The following CLCN4 variants were observed in gnomAD, a reference collection of about 807,000 sequenced individuals.
The protein encoded by CLCN4 is Cl-/H+ antiporter 4.
A neutral mutation model predicts 41.7 loss-of-function variants in CLCN4; 1 was observed. The observed-to-expected ratio is 0.02, with a 90% confidence interval of 0.01 to 0.11. CLCN4 has a LOEUF of 0.11. Ranked by LOEUF, CLCN4 falls within the 10% of genes least tolerant of loss-of-function variation. The pLI, the probability that CLCN4 is intolerant of heterozygous loss-of-function variation, is 1.00. For missense variants in CLCN4, 287 were observed against 661.0 expected (o/e 0.43, Z 6.20); for synonymous variants, 277 against 285.8 (o/e 0.97, Z 0.31).
At chrX:10,160,573 C>G (rs756397243) in intron 2 of CLCN4, among the ~76,000 whole-genome samples, 2 of 111,483 alleles carry the variant, frequency 1.8e-5, no homozygotes, top group Admixed American at 9.5e-5. Context: ...TCCTTGTCTG[C>G]AAAAATGAGA....
Position 10,233,756 on chromosome X carries a change from C to A in CLCN4, c.*172C>A, listed in dbSNP as rs1188671445. 10 of 432,690 alleles carry A rather than the reference C, an allele frequency of 2.3e-5. No homozygotes were observed. Among genetic ancestry groups the A allele is most frequent in the Admixed American group, 4.1e-5 (1 of 24,357 alleles). The allele number at this position is 432,690 out of a possible 1,213,427, so 35.7% of individuals were successfully genotyped here. ...CCTTTAAAAACAAAAACAAAAACAT[C>A]AATGAGTAGGCATTTTATAGCTTTA... On this transcript the variant is annotated 3_prime_UTR_variant, in exon 13 of 13. Coordinates refer to ENST00000380833, the MANE Select transcript of CLCN4 (RefSeq NM_001830.4).
chrX:10,228,562 C>A (rs1925046482), intron 12 of CLCN4, among the ~76,000 whole-genome samples: 1 of 111,545 alleles, frequency 9.0e-6, no homozygotes, highest in African/African-American at 3.3e-5. Context: ...TTTTGGGATA[C>A]CTGTTCAGTA....
chrX:10,208,294 C>T lies in CLCN4; in HGVS notation c.1093C>T (p.Leu365=). 1 of 1,211,588 alleles carries T rather than the reference C, an allele frequency of 8.3e-7. No individual in the cohort carries two copies. The highest frequency in any genetic ancestry group is 1.8e-5 in the South Asian group (1 of 56,965). Residue 365 remains leucine, a synonymous_variant, in exon 9 of 13, where the codon CTG becomes TTG. Transcript: ENST00000380833. The stretch of plus-strand genomic sequence containing the variant: ...GTGCAGGAGGCGCAAGACCACCAGG[C>T]TGGGGAAGTACCCGGTGCTGGAGGT... ...AWCRRRKTTR[L]GKYPVLEVIV...
intron 2 of CLCN4, among the ~76,000 whole-genome samples, chrX:10,161,805 G>A (rs190776045): frequency 1.8e-5 from 2 of 110,915 alleles, no homozygotes; most frequent in African/African-American, 3.3e-5. Flanking sequence ...TCCACCATGA[G>A]GGTGTAAAGG....
chrX:10,164,480 G>C (rs756854314), intron 2 of CLCN4, among the ~76,000 whole-genome samples: 1 of 111,714 alleles, frequency 9.0e-6, no homozygotes, highest in African/African-American at 3.3e-5. Flanking sequence ...TGTTGAGACT[G>C]GGTTAAAAGG....
In CLCN4 at chrX:10,197,954, A is replaced by C. The variant is rs1281964124; in HGVS notation, c.448A>C (p.Ile150Leu). 8.3e-7 allele frequency: 1 copy of C among 1,208,366 alleles called. No homozygotes were observed. The highest frequency in any genetic ancestry group is 1.8e-5 in the African/African-American group (1 of 56,777). The change falls in exon 6 of 13, where the codon ATT (isoleucine) becomes CTT (leucine). Residue 150 changes from isoleucine (I) to leucine (L), a missense_variant. Physicochemically the swap from Ile to Leu is conservative, Grantham distance 5. This residue lies in a region of CLCN4 where 90 missense variants were observed against 209.8 expected (regional missense o/e 0.43). Coordinates refer to ENST00000380833, the MANE Select transcript of CLCN4 (RefSeq NM_001830.4). ...VNQSEGASAY[I>L]LNYLMYILWA... is the part of the protein sequence containing the mutation. Reference sequence around the variant, plus strand: ...TGTTGTCTAGGGTGCCAGTGCTTACATTCTGAATTACTTAATGTACATCCT... The same window carrying C: ...TGTTGTCTAGGGTGCCAGTGCTTACCTTCTGAATTACTTAATGTACATCCT...
At chrX:10,218,533 A>G (rs924420975) in intron 11 of CLCN4, among the ~76,000 whole-genome samples, 2 of 112,394 alleles carry the variant, frequency 1.8e-5, no homozygotes, top group Non-Finnish European at 3.8e-5. Context: ...TCCAGGGATG[A>G]CAGCACACTG....
At chrX:10,158,652 C>A (rs1923017317) in intron 2 of CLCN4, 101 bp downstream of exon 2, 1 of 248,464 alleles carries the variant, frequency 4.0e-6, no homozygotes, top group Non-Finnish European at 7.2e-6. Flanking sequence ...GGCTGCGCCC[C>A]CAGAAACCCA....
At chrX:10,226,199 C>G (rs1190314526) in intron 12 of CLCN4, among the ~76,000 whole-genome samples, 1 of 111,277 alleles carries the variant, frequency 9.0e-6, no homozygotes, top group Non-Finnish European at 1.9e-5. Context: ...GTCTCTCAGA[C>G]CACAGTGCAA....
At chrX:10,213,598 C>T in intron 10 of CLCN4, 83 bp from the exon 11 acceptor site, 2 of 898,358 alleles carry the variant, frequency 2.2e-6, no homozygotes, top group East Asian at 3.1e-5. Context: ...GAATTTACAG[C>T]CTGTCTGTCA....
chrX:10,166,465 G>C (rs186366630), intron 2 of CLCN4, among the ~76,000 whole-genome samples: 1 of 111,480 alleles, frequency 9.0e-6, no homozygotes, highest in East Asian at 2.8e-4. Flanking sequence ...CACGGTGTAG[G>C]AGAAACGTGG....
chrX:10,174,424 C>T (rs1923466601), intron 2 of CLCN4, among the ~76,000 whole-genome samples: 1 of 112,645 alleles, frequency 8.9e-6, no homozygotes, highest in African/African-American at 3.2e-5. Flanking sequence ...CCTTTACGGA[C>T]CCAAGTCCTC....
At chrX:10,207,500 T>A (rs1924427418) in intron 8 of CLCN4, among the ~76,000 whole-genome samples, 1 of 112,739 alleles carries the variant, frequency 8.9e-6, no homozygotes, top group Non-Finnish European at 1.9e-5. Context: ...AATGGGCATG[T>A]CTGCATTTCC....
At chrX:10,214,260 G>T (rs1429156456) in intron 11 of CLCN4, among the ~76,000 whole-genome samples, 181 bp downstream of exon 11, 1 of 112,591 alleles carries the variant, frequency 8.9e-6, no homozygotes, top group Non-Finnish European at 1.9e-5. Context: ...CAGGTCTTGG[G>T]TGGGATCCGA....
chrX:10,222,759 T>C (rs757607143), intron 12 of CLCN4, among the ~76,000 whole-genome samples: 28 of 112,062 alleles, frequency 2.5e-4, no homozygotes, highest in Non-Finnish European at 4.7e-4. Flanking sequence ...TTCTTCCTGC[T>C]GTCCTGGTAG....
In CLCN4 at chrX:10,212,652, C is replaced by A. The variant is rs112652769; in HGVS notation, c.1575C>A (p.Leu525=). The change falls in exon 10 of 13, where the codon CTC becomes CTA. Residue 525 remains leucine, a splice_region_variant and synonymous_variant. Transcript: ENST00000380833. ...CAATGGTGGGAGCTGCGGCCTGCCT[C>A]GGTACGACCATGGGTGGGGCAGGGA... is the stretch of plus-strand genomic sequence containing the variant. ...LYAMVGAAAC[L]GGVTRMTVSL... The A allele has an allele frequency of 1.7e-6, 2 of 1,190,855 alleles. No individual in the cohort carries two copies. Among genetic ancestry groups the A allele is most frequent in the Non-Finnish European group, 1.1e-6 (1 of 881,573 alleles).
intron 4 of CLCN4, 118 bp downstream of exon 4, chrX:10,187,732 G>A: frequency 1.8e-6 from 1 of 544,838 alleles, no homozygotes. Flanking sequence ...TTACCCCTGT[G>A]GGAGGGATTT....
intron 2 of CLCN4, among the ~76,000 whole-genome samples, chrX:10,173,956 C>T (rs1329377314): frequency 8.9e-6 from 1 of 111,975 alleles, no homozygotes; most frequent in Non-Finnish European, 1.9e-5. Flanking sequence ...CTTCTCTGTG[C>T]GGGTCGTCCT....
Position 10,212,593 on chromosome X carries a change from C to G in CLCN4, c.1516C>G (p.Pro506Ala). The G allele has an allele frequency of 8.3e-7, 1 of 1,211,501 alleles. No homozygotes were observed. Among genetic ancestry groups the G allele is most frequent in the Non-Finnish European group, 1.1e-6 (1 of 895,353 alleles). Reference sequence around the variant, plus strand: ...GATCATCTTCAGGAACTGGTGCAGACCCGGTGCAGACTGTGTCACGCCAGG... The same window carrying G: ...GATCATCTTCAGGAACTGGTGCAGAGCCGGTGCAGACTGTGTCACGCCAGG... ...DWIIFRNWCR[P>A]GADCVTPGLY... Residue 506 changes from proline (P) to alanine (A), a missense_variant, in exon 10 of 13, where the codon CCC becomes GCC. By Grantham distance (27) the Pro-to-Ala change is conservative. Transcript: ENST00000380833.
Sources: allele counts gnomAD v4.1 joint callset (sites outside exome capture counted in the v4.1 genomes callset), GRCh38; gene constraint gnomAD v4.1.1; regional missense constraint gnomAD v4.1.1; transcripts MANE v1.5; gene names NCBI Gene and HGNC (gene_info 2026-07-23, HGNC 2026-07-21).